The following TOGARAM2 variants were observed in gnomAD, a reference collection of about 807,000 sequenced individuals.
TOGARAM2 encodes the protein TOG array regulator of axonemal microtubules 2.
TOGARAM2 carries 85 observed loss-of-function variants against 93.3 expected under a neutral mutation model. The observed-to-expected ratio is 0.91, with a 90% CI of 0.76 to 1.09. The LOEUF (loss-of-function observed/expected upper bound fraction) is 1.09. Ranked by LOEUF, TOGARAM2 falls within the 50% of genes least tolerant of loss-of-function variation. TOGARAM2 has a pLI of 0.00. For missense variants in TOGARAM2, 1,277 were observed against 1,334.5 expected, an observed-to-expected ratio of 0.96 and a Z score of 0.67; for synonymous variants, 593 against 552.8, an observed-to-expected ratio of 1.07 and a Z score of -1.02.
intron 13 of TOGARAM2, 81 bp from the exon 14 acceptor site, chr2:29,026,772 A>G (rs1363770460): frequency 1.4e-6 from 2 of 1,388,394 alleles, no homozygotes; most frequent in Non-Finnish European, 1.9e-6. Context: ...TGGGTCTGCA[A>G]TGGTAGATCC....
chr2:28,972,186 T>C (rs1671954023), intron 1 of TOGARAM2, among the ~76,000 whole-genome samples: 2 of 152,210 alleles, frequency 1.3e-5, no homozygotes, highest in South Asian at 4.1e-4. Context: ...CCTCCTGGGC[T>C]CAAGCGATTC....
At chr2:28,958,600 C>G (rs1671758244) in intron 1 of TOGARAM2, among the ~76,000 whole-genome samples, 1 of 152,184 alleles carries the variant, frequency 6.6e-6, no homozygotes, top group African/African-American at 2.4e-5. Context: ...CTACAGCGGG[C>G]TGACATTCCA....
chr2:28,979,996 T>G (rs1040284209), upstream of TOGARAM2, among the ~76,000 whole-genome samples: 3 of 152,194 alleles, frequency 2.0e-5, no homozygotes, highest in Admixed American at 6.5e-5. Flanking sequence ...CTGTGTGGCT[T>G]GGGGCAAGGG....
intron 19 of TOGARAM2, chr2:29,047,339 G>T (rs566087693): frequency 2.0e-5 from 3 of 152,126 alleles, no homozygotes; most frequent in Admixed American, 2.0e-4. Context: ...GGTAATTTAC[G>T]GGGCCCAGAG....
chr2:29,050,853 A>G (rs6731719), intron 19 of TOGARAM2: 118,617 of 152,260 alleles, frequency 0.78, 46,518 homozygotes, highest in Middle Eastern at 0.84. Context: ...ATGTGGTTTT[A>G]ATGTGGCCAC....
chr2:29,043,527 A>G (rs1666562399), intron 18 of TOGARAM2, among the ~76,000 whole-genome samples: 1 of 148,750 alleles, frequency 6.7e-6, no homozygotes, highest in Admixed American at 6.8e-5. Context: ...TGGCCTGGAG[A>G]AGGTCAGCTC....
At chr2:29,051,718 G>C in intron 19 of TOGARAM2, 38 bp from the exon 20 acceptor site, 1 of 1,441,634 alleles carries the variant, frequency 6.9e-7, no homozygotes, top group Non-Finnish European at 9.2e-7. Flanking sequence ...GAGGGAGAGA[G>C]TGCCTGGCTC....
upstream of TOGARAM2, among the ~76,000 whole-genome samples, chr2:28,976,562 A>G (rs1008926682): frequency 6.6e-5 from 10 of 152,026 alleles, no homozygotes; most frequent in African/African-American, 2.4e-4. Context: ...AAGGAGGGAG[A>G]GGCACACCCC....
chr2:29,003,475 C>G lies in TOGARAM2; in HGVS notation c.640-17C>G. 2.0e-6 allele frequency: 3 copies of G among 1,483,100 alleles called. No individual in the cohort carries two copies. The highest frequency in any genetic ancestry group is 2.7e-6 in the Non-Finnish European group (3 of 1,111,900). 91.9% of individuals were successfully genotyped at this position (1,483,100 alleles called of 1,614,324 possible). On this transcript the variant is annotated splice_polypyrimidine_tract_variant and intron_variant, in intron 5 of 19. Transcript: ENST00000379558. Reference sequence around the variant, plus strand: ...ATGTTGCCATAGGCCAGACCCCTGTCCCGCCTCTGCTCCCAGGCGCAGATC... The same window carrying G: ...ATGTTGCCATAGGCCAGACCCCTGTGCCGCCTCTGCTCCCAGGCGCAGATC...
At chr2:29,011,626 C>A (rs1326369866) in intron 7 of TOGARAM2, 125 bp downstream of exon 7, 21 of 973,228 alleles carry the variant, frequency 2.2e-5, no homozygotes, top group Middle Eastern at 2.2e-4. Flanking sequence ...CTTCATTTCA[C>A]AGCAGGAAGC....
intron 3 of TOGARAM2, 70 bp downstream of exon 3, chr2:28,998,323 A>G: frequency 1.9e-6 from 2 of 1,071,666 alleles, no homozygotes; most frequent in Non-Finnish European, 2.7e-6. Flanking sequence ...AGTGTGGTAG[A>G]TGCCGGCTGT....
intron 4 of TOGARAM2, among the ~76,000 whole-genome samples, chr2:29,000,583 T>C (rs1673234776): frequency 6.6e-6 from 1 of 152,208 alleles, no homozygotes; most frequent in Non-Finnish European, 1.5e-5. Flanking sequence ...GAATGAACTC[T>C]TGGGTAACAA....
chr2:29,033,428 G>T (rs1380326913), intron 15 of TOGARAM2, 41 bp from the exon 16 acceptor site: 7 of 1,559,268 alleles, frequency 4.5e-6, no homozygotes, highest in Non-Finnish European at 4.4e-6. Flanking sequence ...TCCCTGGAGG[G>T]CCACTCCTTT....
At chr2:29,017,404 T>G in intron 9 of TOGARAM2, 100 bp downstream of exon 9, 46 of 1,137,618 alleles carry the variant, frequency 4.0e-5, no homozygotes, top group Middle Eastern at 3.2e-4. Flanking sequence ...AAATTTTTAT[T>G]AGTATTTATG....
chr2:29,022,883 A>T (rs747323144), intron 11 of TOGARAM2, among the ~76,000 whole-genome samples: 24 of 152,324 alleles, frequency 1.6e-4, no homozygotes, highest in Middle Eastern at 3.4e-3. Context: ...GCCAGAGGCC[A>T]CATAAAACTG....
At chr2:28,988,016 G>T (rs1048995327) in intron 1 of TOGARAM2, among the ~76,000 whole-genome samples, 7 of 152,142 alleles carry the variant, frequency 4.6e-5, no homozygotes. Context: ...GCCGAGTTGA[G>T]GGTCAGTGTG....
chr2:29,016,171 C>T lies in TOGARAM2; in HGVS notation c.1045-983C>T, dbSNP rs114448527. ...TTCCAGTGGCTCAGGTCAACCACCT[C>T]GGGCGTCCTTGGCTCCTCTCTTCCT... On this transcript the variant is annotated intron_variant, in intron 8 of 19. Coordinates refer to ENST00000379558, the MANE Select transcript of TOGARAM2 (RefSeq NM_199280.4). Among the ~76,000 whole-genome samples the T allele has an allele frequency of 5.7e-3, 873 of 152,274 alleles. 9 individuals carry two copies. Among genetic ancestry groups the T allele is most frequent in the African/African-American group, 0.02 (836 of 41,558 alleles).
At chr2:29,024,840 G>A (rs1665241976) in intron 13 of TOGARAM2, among the ~76,000 whole-genome samples, 1 of 152,162 alleles carries the variant, frequency 6.6e-6, no homozygotes, top group Non-Finnish European at 1.5e-5. Flanking sequence ...GTTGCTTTCT[G>A]ATGAAATGTG....
At chr2:28,968,832 A>G (rs1276425786) in intron 1 of TOGARAM2, among the ~76,000 whole-genome samples, 1 of 133,316 alleles carries the variant, frequency 7.5e-6, no homozygotes, top group East Asian at 2.0e-4. Context: ...AAAAAAAAAA[A>G]AAAAAAAACA....
Sources: gnomAD v4.1 joint callset for allele counts (sites outside exome capture counted in the v4.1 genomes callset) on GRCh38, gnomAD v4.1.1 for gene constraint, MANE v1.5 for transcripts, NCBI Gene and HGNC (gene_info 2026-07-23, HGNC 2026-07-21) for gene names.